The following CNBD2 variants were observed in gnomAD, a reference collection of about 807,000 sequenced individuals.
CNBD2 encodes cyclic nucleotide binding domain containing 2.
A neutral mutation model predicts 63.7 loss-of-function variants in CNBD2; 64 were observed. The ratio of observed to expected loss-of-function variants is 1.00; its 90% CI spans 0.82 to 1.24. The LOEUF (loss-of-function observed/expected upper bound fraction) is 1.24. Ranked by LOEUF, CNBD2 falls within the 50% of genes most tolerant of loss-of-function variation. The pLI is 0.00. For missense variants in CNBD2, 691 were observed against 713.5 expected, an observed-to-expected ratio of 0.97 and a Z score of 0.36; for synonymous variants, 229 against 255.4, an observed-to-expected ratio of 0.90 and a Z score of 0.99.
chr20:35,958,835 C>A (rs2056282804), downstream of CNBD2: 1 of 152,192 alleles, frequency 6.6e-6, no homozygotes, highest in Non-Finnish European at 1.5e-5. Flanking sequence ...ATGTCTATAA[C>A]TGTGTTATTT....
intron 8 of CNBD2, among the ~76,000 whole-genome samples, chr20:36,000,203 T>C (rs554326854): frequency 2.6e-5 from 4 of 152,320 alleles, no homozygotes; most frequent in Admixed American, 2.0e-4. Flanking sequence ...CTATTTTATC[T>C]TCATTTTTGA....
exon 1 of CNBD2, chr20:35,955,163 G>C (rs2056241090): frequency 6.0e-6 from 1 of 165,852 alleles, no homozygotes; most frequent in South Asian, 2.0e-4. Context: ...GGTGGCCGCT[G>C]GCCTCCTGAG....
chr20:35,994,888 CA>C (rs972571114), intron 7 of CNBD2, 149 bp from the exon 8 acceptor site: 104 of 549,336 alleles, frequency 1.9e-4, no homozygotes, highest in African/African-American at 4.7e-4. Context: ...GACTCCATCT[CA>C]AAAAAAAGAA....
intron 10 of CNBD2, among the ~76,000 whole-genome samples, chr20:36,022,662 G>C (rs1040683077): frequency 6.8e-6 from 1 of 146,422 alleles, no homozygotes; most frequent in Non-Finnish European, 1.5e-5. Context: ...ATAGTCTCTC[G>C]CTCTGTTGCC....
At chr20:35,964,789 G>A (rs1003223519), upstream of CNBD2, among the ~76,000 whole-genome samples, 1 of 151,410 alleles carries the variant, frequency 6.6e-6, no homozygotes, top group Non-Finnish European at 1.5e-5. Flanking sequence ...TGCAACCTCT[G>A]CCTCCCAGGT....
intron 6 of CNBD2, among the ~76,000 whole-genome samples, chr20:35,985,487 CTT>C (rs376746279): frequency 3.4e-4 from 45 of 134,076 alleles, no homozygotes; most frequent in Admixed American, 4.5e-4. Context: ...ACTATAATTC[CTT>C]TTTTTTTTTT....
chr20:35,998,005 C>T (rs886570520), intron 8 of CNBD2, among the ~76,000 whole-genome samples: 1 of 151,504 alleles, frequency 6.6e-6, no homozygotes, highest in Non-Finnish European at 1.5e-5. Context: ...GGATTATCCA[C>T]CTATCTTTCT....
intron 8 of CNBD2, among the ~76,000 whole-genome samples, chr20:35,998,365 A>T (rs1568894205): frequency 6.6e-6 from 1 of 152,138 alleles, no homozygotes; most frequent in Non-Finnish European, 1.5e-5. Context: ...CTAAGATAAC[A>T]TACTTTATAT....
chr20:36,003,057 T>C (rs781717377), intron 8 of CNBD2, among the ~76,000 whole-genome samples: 1 of 152,152 alleles, frequency 6.6e-6, no homozygotes, highest in Non-Finnish European at 1.5e-5. Flanking sequence ...TCCTTCTGCA[T>C]TGTCTAATCT....
intron 2 of CNBD2, among the ~76,000 whole-genome samples, chr20:35,960,740 TC>T (rs2056300368): frequency 1.6e-5 from 1 of 62,788 alleles, no homozygotes; most frequent in Non-Finnish European, 2.9e-5. Flanking sequence ...TCCCTTCTCT[TC>T]CCTTCTCTTC....
chr20:35,987,668 G>A (rs1394388347), intron 7 of CNBD2, 135 bp downstream of exon 7: 4 of 987,216 alleles, frequency 4.1e-6, no homozygotes, highest in Non-Finnish European at 5.9e-6. Flanking sequence ...GAGTTTCCAT[G>A]TCCCAGCTGT....
chr20:35,977,114 G>A (rs1045835102), intron 3 of CNBD2, among the ~76,000 whole-genome samples: 1 of 152,222 alleles, frequency 6.6e-6, no homozygotes, highest in East Asian at 1.9e-4. Context: ...TCAGGCAGGA[G>A]AAACTAGGGG....
chr20:35,965,410 T>C (rs2056338142), upstream of CNBD2, among the ~76,000 whole-genome samples: 1 of 152,156 alleles, frequency 6.6e-6, no homozygotes, highest in South Asian at 2.1e-4. Flanking sequence ...GCTCCTGACC[T>C]CAGGTGATCC....
chr20:36,022,974 G>A (rs545725521), intron 10 of CNBD2, among the ~76,000 whole-genome samples: 6 of 151,986 alleles, frequency 3.9e-5, no homozygotes, highest in Non-Finnish European at 8.8e-5. Flanking sequence ...AGATTTGCTC[G>A]ACAAAAACAA....
In CNBD2 at chr20:36,003,875, A is replaced by G. The variant is rs1417092170; in HGVS notation, c.971-4422A>G. Reference sequence around the variant, plus strand: ...GGAAAACATAGCTGGACTCCATCTGAAAAAAAAAAAAAAATCTCTTGAGGT... The same window carrying G: ...GGAAAACATAGCTGGACTCCATCTGGAAAAAAAAAAAAAATCTCTTGAGGT... On this transcript the variant is annotated intron_variant, in intron 8 of 11. Coordinates refer to ENST00000373973, the MANE Select transcript of CNBD2 (RefSeq NM_001365709.1). Among the ~76,000 whole-genome samples, 3 of 99,496 alleles carry G rather than the reference A, an allele frequency of 3.0e-5. No individual in the cohort carries two copies. In the Admixed American group the frequency reaches 3.1e-4, roughly 10 times the overall value. The allele number at this position is 99,496 out of a possible 152,430, so 65.3% of individuals were successfully genotyped here. A position where few individuals can be genotyped will look rare whatever the true frequency, so the allele number is the denominator to read the frequency against.
intron 7 of CNBD2, among the ~76,000 whole-genome samples, chr20:35,992,218 C>G (rs971320270): frequency 1.3e-5 from 2 of 152,138 alleles, no homozygotes; most frequent in Non-Finnish European, 2.9e-5. Flanking sequence ...CAGGCCCACC[C>G]AAGAGCTACT....
upstream of CNBD2, among the ~76,000 whole-genome samples, chr20:35,964,690 C>A (rs2056331826): frequency 6.6e-6 from 1 of 151,798 alleles, no homozygotes; most frequent in Admixed American, 6.6e-5. Flanking sequence ...CCACTGCACC[C>A]AACCACCTCT....
rs190908620 is a variant in CNBD2, at chr20:35,972,693, G to T, written c.116G>T (p.Gly39Val). The T allele has an allele frequency of 1.4e-5, 23 of 1,614,012 alleles. No individual in the cohort carries two copies. Among genetic ancestry groups the T allele is most frequent in the East Asian group, 2.2e-5 (1 of 44,888 alleles). Residue 39 changes from glycine to valine, a missense_variant, in exon 2 of 12, where the codon GGC becomes GTC. Coordinates refer to ENST00000373973, the MANE Select transcript of CNBD2 (RefSeq NM_001365709.1). ...CGAGTGTGTAAAATGTTCCGCCAAGGCCTCAGGGGATTCCGGGAATATCAA... is the reference window on the plus strand; with the variant it reads ...CGAGTGTGTAAAATGTTCCGCCAAGTCCTCAGGGGATTCCGGGAATATCAA... Reference protein sequence around the residue: ...MIRVCKMFRQGLRGFREYQII... With the variant: ...MIRVCKMFRQVLRGFREYQII...
intron 7 of CNBD2, among the ~76,000 whole-genome samples, chr20:35,988,337 T>C (rs1318813457): frequency 6.6e-6 from 1 of 151,570 alleles, no homozygotes; most frequent in Non-Finnish European, 1.5e-5. Flanking sequence ...TGGCTAATTT[T>C]TTTTTGTATT....
Sources: allele counts gnomAD v4.1 joint callset (sites outside exome capture counted in the v4.1 genomes callset), GRCh38; gene constraint gnomAD v4.1.1; transcripts MANE v1.5; gene names NCBI Gene and HGNC (gene_info 2026-07-23, HGNC 2026-07-21).